WWOX: variants seen among roughly 807,000 people sequenced by gnomAD.
The protein encoded by WWOX is WW domain containing oxidoreductase.
WWOX carries 69 observed loss-of-function variants against 46.2 expected under a neutral mutation model. The ratio of observed to expected loss-of-function variants is 1.49; its 90% CI spans 1.23 to 1.82. The LOEUF is 1.82. WWOX is among the 40% of genes most tolerant of loss of function. The pLI, the probability that WWOX is intolerant of heterozygous loss-of-function variation, is 0.00. For missense variants in WWOX, 919 were observed against 542.6 expected (o/e 1.69, Z -6.89); for synonymous variants, 359 against 202.6 (o/e 1.77, Z -6.56).
intron 8 of WWOX, among the ~76,000 whole-genome samples, chr16:78,474,087 A>G (rs1186523579): frequency 6.6e-6 from 1 of 152,234 alleles, no homozygotes; most frequent in Non-Finnish European, 1.5e-5. Context: ...TTCTTTTATA[A>G]CAGCTCTAGG....
chr16:79,150,140 G>T (rs1226451707), intron 8 of WWOX, among the ~76,000 whole-genome samples: 1 of 152,194 alleles, frequency 6.6e-6, no homozygotes, highest in Non-Finnish European at 1.5e-5. Context: ...GCTTAGCTCT[G>T]CTCAGTCTAC....
chr16:78,741,168 CA>C (rs1243180244), intron 8 of WWOX, among the ~76,000 whole-genome samples: 16 of 152,186 alleles, frequency 1.1e-4, no homozygotes, highest in African/African-American at 3.4e-4. Context: ...GTAGTTGTGA[CA>C]GAGACCATTT....
intron 8 of WWOX, among the ~76,000 whole-genome samples, chr16:78,866,160 A>G (rs1347517315): frequency 6.6e-6 from 1 of 152,114 alleles, no homozygotes; most frequent in African/African-American, 2.4e-5. Flanking sequence ...CTCCTGGGCT[A>G]ACTTTTGTTT....
intron 8 of WWOX, among the ~76,000 whole-genome samples, chr16:78,540,511 A>G (rs1192312206): frequency 6.6e-6 from 1 of 152,244 alleles, no homozygotes; most frequent in East Asian, 1.9e-4. Context: ...GATTAGTTTT[A>G]TTTTGGACAG....
At chr16:79,094,599 C>G (rs1309480042) in intron 8 of WWOX, among the ~76,000 whole-genome samples, 1 of 152,046 alleles carries the variant, frequency 6.6e-6, no homozygotes, top group Non-Finnish European at 1.5e-5. Flanking sequence ...CAAACTGCAT[C>G]AGAGTAACCG....
chr16:79,107,812 A>C (rs115864521), intron 8 of WWOX, among the ~76,000 whole-genome samples: 3,736 of 152,308 alleles, frequency 0.025, 177 homozygotes, highest in African/African-American at 0.085. Flanking sequence ...CAAAATTATA[A>C]TCACAAATTA....
intron 4 of WWOX, among the ~76,000 whole-genome samples, chr16:78,147,685 TTTTTTTTTTTTA>T (rs1324691042): frequency 8.0e-6 from 1 of 125,164 alleles, no homozygotes; most frequent in Non-Finnish European, 1.7e-5. Flanking sequence ...CTTTTTTTTT[TTTTTTTTTTTTA>T]AAAAAAAAAA....
At chr16:79,037,920 C>G (rs1440728819) in intron 8 of WWOX, among the ~76,000 whole-genome samples, 2 of 152,206 alleles carry the variant, frequency 1.3e-5, no homozygotes, top group Non-Finnish European at 2.9e-5. Context: ...GCTTTCCATC[C>G]GAGAAAAGCA....
chr16:78,922,310 G>A (rs1164048922), intron 8 of WWOX, among the ~76,000 whole-genome samples: 1 of 151,926 alleles, frequency 6.6e-6, no homozygotes, highest in Non-Finnish European at 1.5e-5. Context: ...AGTCTCCAGA[G>A]TATGATCAGA....
chr16:78,642,188 G>T (rs1238265516), intron 8 of WWOX, among the ~76,000 whole-genome samples: 1 of 152,116 alleles, frequency 6.6e-6, no homozygotes, highest in East Asian at 1.9e-4. Context: ...CTAATCCAGA[G>T]ATAATTTGTG....
intron 8 of WWOX, among the ~76,000 whole-genome samples, chr16:78,972,015 C>G (rs574973991): frequency 1.3e-5 from 2 of 152,206 alleles, no homozygotes; most frequent in South Asian, 2.1e-4. Flanking sequence ...CTGTTTACTC[C>G]GAAACTTCTT....
intron 5 of WWOX, among the ~76,000 whole-genome samples, chr16:78,296,837 G>T (rs1387370993): frequency 6.6e-6 from 1 of 152,148 alleles, no homozygotes; most frequent in Non-Finnish European, 1.5e-5. Flanking sequence ...GAGAGCTCTG[G>T]GTCTCGTTCG....
At chr16:78,969,498 T>G (rs1055267127) in intron 8 of WWOX, among the ~76,000 whole-genome samples, 6 of 152,082 alleles carry the variant, frequency 3.9e-5, no homozygotes, top group Non-Finnish European at 8.8e-5. Context: ...CTCAAACTCC[T>G]GACCTCAAGT....
intron 8 of WWOX, among the ~76,000 whole-genome samples, chr16:78,768,042 G>A (rs2049967474): frequency 6.6e-6 from 1 of 152,026 alleles, no homozygotes; most frequent in South Asian, 2.1e-4. Context: ...CATTGGGGAG[G>A]TTGGTATTCC....
At chr16:78,780,000 A>G (rs995977135) in intron 8 of WWOX, among the ~76,000 whole-genome samples, 11 of 152,188 alleles carry the variant, frequency 7.2e-5, no homozygotes, top group African/African-American at 2.7e-4. Flanking sequence ...CTGTGTCAAC[A>G]TCTCTGGAAC....
intron 8 of WWOX, among the ~76,000 whole-genome samples, chr16:78,960,162 C>G (rs149435414): frequency 1.5e-3 from 230 of 152,228 alleles, no homozygotes; most frequent in Admixed American, 2.4e-3. Flanking sequence ...ACAGCTAATT[C>G]CAGAAAGCCA....
chr16:78,527,281 G>A (rs796655315), intron 8 of WWOX, among the ~76,000 whole-genome samples: 46 of 145,754 alleles, frequency 3.2e-4, no homozygotes, highest in African/African-American at 1.0e-3. Context: ...CTTGTATCTC[G>A]CTCTTTTTTT....
At chr16:78,196,923 A>G (rs76316351) in intron 5 of WWOX, among the ~76,000 whole-genome samples, 1,546 of 152,354 alleles carry the variant, frequency 0.01, 20 homozygotes, top group Middle Eastern at 0.041. Context: ...TTAAGTGAAG[A>G]CAAAACATGA....
intron 8 of WWOX, among the ~76,000 whole-genome samples, chr16:78,906,630 G>C (rs60554456): frequency 6.6e-6 from 1 of 152,202 alleles, no homozygotes; most frequent in African/African-American, 2.4e-5. Flanking sequence ...ATGCCAGTCA[G>C]CTTCAGTGAT....
Sources: gnomAD v4.1 joint callset for allele counts (sites outside exome capture counted in the v4.1 genomes callset) on GRCh38, gnomAD v4.1.1 for gene constraint, MANE v1.5 for transcripts, NCBI Gene and HGNC (gene_info 2026-07-23, HGNC 2026-07-21) for gene names.